The following SYCE3 variants were observed in gnomAD, a reference collection of about 807,000 sequenced individuals.
The protein encoded by SYCE3 is testis highly expressed gene 2 protein.
Under a neutral mutation model 8.1 loss-of-function variants are expected in SYCE3, and 3 were observed. The observed-to-expected ratio is 0.37, with a 90% CI of 0.17 to 0.96. The LOEUF (loss-of-function observed/expected upper bound fraction) is 0.96. Ranked by LOEUF, SYCE3 falls within the 40% of genes least tolerant of loss-of-function variation. SYCE3 has a pLI of 0.41. For missense variants in SYCE3, 83 were observed against 110.0 expected (o/e 0.75, Z 1.10); for synonymous variants, 36 against 38.7 (o/e 0.93, Z 0.26).
At chr22:50,557,918 T>G (rs1305992718) in intron 1 of SYCE3, among the ~76,000 whole-genome samples, 1 of 152,142 alleles carries the variant, frequency 6.6e-6, no homozygotes, top group Non-Finnish European at 1.5e-5. Context: ...TGTGACTTCC[T>G]GGGCCTCCCT....
intron 1 of SYCE3, among the ~76,000 whole-genome samples, chr22:50,561,715 T>C (rs1288459425): frequency 6.6e-6 from 1 of 151,690 alleles, no homozygotes; most frequent in Non-Finnish European, 1.5e-5. Context: ...ACAAGGAATG[T>C]GAGGGGATAA....
In SYCE3 at chr22:50,556,044, C is replaced by T. The variant is rs780309060; in HGVS notation, c.109+253G>A. On this transcript the variant is annotated intron_variant, in intron 2 of 2. Transcript: ENST00000406915. ...TCCTGACCTCGTGATCCACCCGTCTCGGCCTCCCAAAGTGCTGGGATTACA... is the reference window on the plus strand; with the variant it reads ...TCCTGACCTCGTGATCCACCCGTCTTGGCCTCCCAAAGTGCTGGGATTACA... Among the ~76,000 whole-genome samples the T allele has an allele frequency of 1.8e-4, 27 of 152,188 alleles. No homozygotes were observed. The East Asian group carries it at 2.9e-3, about 16-fold the overall frequency.
chr22:50,552,774 T>C (rs1187898665), intron 2 of SYCE3, among the ~76,000 whole-genome samples: 1 of 150,084 alleles, frequency 6.7e-6, no homozygotes, highest in African/African-American at 2.5e-5. Context: ...TATTAGGAGG[T>C]CGGGTCTTTT....
At chr22:50,556,773 T>C (rs12169800) in intron 1 of SYCE3, among the ~76,000 whole-genome samples, 49 of 152,340 alleles carry the variant, frequency 3.2e-4, no homozygotes, top group African/African-American at 1.1e-3. Context: ...CAAGCTATTG[T>C]GCTGATGTGT....
At chr22:50,559,022 G>A (rs528452452) in intron 1 of SYCE3, among the ~76,000 whole-genome samples, 1 of 152,172 alleles carries the variant, frequency 6.6e-6, no homozygotes, top group African/African-American at 2.4e-5. Flanking sequence ...TCCAAACTCT[G>A]TCCACCTGTG....
At chr22:50,558,932 T>G (rs6010007) in intron 1 of SYCE3, among the ~76,000 whole-genome samples, 12,788 of 152,198 alleles carry the variant, frequency 0.084, 1,201 homozygotes, top group African/African-American at 0.23. Flanking sequence ...TTTCTTTTAT[T>G]TAACATCTCT....
rs977012534 is a variant in SYCE3, at chr22:50,556,242, A to G, written c.109+55T>C. On this transcript the variant is annotated intron_variant, in intron 2 of 2. Transcript: ENST00000406915. ...TGCATCTTTAACCTTGGCAAAATAA[A>G]CTTTCTAAATTGATTGAGACCTGTC... 4.5e-6 allele frequency: 6 copies of G among 1,329,916 alleles called. No individual in the cohort carries two copies. The African/African-American group carries it at 8.8e-5, about 19-fold the overall frequency. 82.4% of individuals were successfully genotyped at this position (1,329,916 alleles called of 1,614,324 possible).
chr22:50,559,128 C>CT lies in SYCE3; in HGVS notation c.1-2724dup, dbSNP rs955059355. 4.6e-3 allele frequency among the ~76,000 whole-genome samples: 668 copies of CT among 145,652 alleles called. 5 individuals are homozygous for CT. The highest frequency in any genetic ancestry group is 0.014 in the Middle Eastern group (4 of 284). On this transcript the variant is annotated intron_variant, in intron 1 of 2. Coordinates refer to ENST00000406915, the MANE Select transcript of SYCE3 (RefSeq NM_001123225.3). ...GCCCCTTCTCTTCTCACTACACACT[C>CT]TTTTTTTTTTTTTCTTGAGACGGAG...
intron 2 of SYCE3, among the ~76,000 whole-genome samples, chr22:50,555,078 C>A (rs911821139): frequency 1.3e-5 from 2 of 150,908 alleles, no homozygotes; most frequent in African/African-American, 5.0e-5. Context: ...GCCGAGATCA[C>A]GCCACTGTAC....
chr22:50,552,478 T>TC (rs2148697566), intron 2 of SYCE3, among the ~76,000 whole-genome samples: 1 of 152,118 alleles, frequency 6.6e-6, no homozygotes, highest in East Asian at 1.9e-4. Context: ...TGGCCAGTGT[T>TC]CCTGGCCCAT....
At chr22:50,558,012 C>T (rs1276727633) in intron 1 of SYCE3, among the ~76,000 whole-genome samples, 1 of 152,196 alleles carries the variant, frequency 6.6e-6, no homozygotes, top group East Asian at 1.9e-4. Flanking sequence ...AAAGCAGAGG[C>T]CATCTTTCCA....
chr22:50,557,959 T>C (rs1396846164), intron 1 of SYCE3, among the ~76,000 whole-genome samples: 3 of 152,150 alleles, frequency 2.0e-5, no homozygotes, highest in Admixed American at 2.0e-4. Context: ...GGTATTGTGA[T>C]TGTGGATTCC....
At chr22:50,559,714 G>T (rs2069895678) in intron 1 of SYCE3, among the ~76,000 whole-genome samples, 1 of 152,092 alleles carries the variant, frequency 6.6e-6, no homozygotes, top group African/African-American at 2.4e-5. Context: ...GGGATCACAA[G>T]GTCAGGAGTT....
intron 1 of SYCE3, among the ~76,000 whole-genome samples, chr22:50,561,519 G>A (rs1019255999): frequency 1.3e-5 from 2 of 151,124 alleles, no homozygotes; most frequent in Non-Finnish European, 3.0e-5. Flanking sequence ...AGTGTGGGGC[G>A]GGAGGAGCGT....
chr22:50,556,430 G>A (rs1371591781), intron 1 of SYCE3, 25 bp from the exon 2 acceptor site: 3 of 1,492,756 alleles, frequency 2.0e-6, no homozygotes, highest in Non-Finnish European at 2.7e-6. Context: ...GAAAGAAGCT[G>A]CAGTCAGACA....
At position 50,551,140 on chromosome 22, in the gene SYCE3, C is replaced by T. The variant is rs2069803090; in HGVS notation, c.*105G>A. The stretch of plus-strand genomic sequence containing the variant: ...GCTTAAAAATAAGTTTATTAAGAAA[C>T]AAGTACAGTGCATACAGCTATTCAT... On this transcript the variant is annotated 3_prime_UTR_variant, in exon 3 of 3. Coordinates refer to ENST00000406915, the MANE Select transcript of SYCE3 (RefSeq NM_001123225.3). 2 of 1,391,968 alleles carry T rather than the reference C, an allele frequency of 1.4e-6. No individual in the cohort carries two copies. The highest frequency in any genetic ancestry group is 1.4e-5 in the South Asian group (1 of 71,640). The allele number at this position is 1,391,968 out of a possible 1,614,324, so 86.2% of individuals were successfully genotyped here.
intron 1 of SYCE3, among the ~76,000 whole-genome samples, chr22:50,558,178 CTTTGGGAGG>C (rs1330588176): frequency 6.6e-6 from 1 of 152,198 alleles, no homozygotes; most frequent in Non-Finnish European, 1.5e-5. Context: ...AATCCCAACA[CTTTGGGAGG>C]CCGAGGTGGG....
intron 1 of SYCE3, among the ~76,000 whole-genome samples, chr22:50,557,871 C>T (rs2069876337): frequency 1.3e-5 from 2 of 152,148 alleles, no homozygotes; most frequent in Admixed American, 1.3e-4. Flanking sequence ...CCTTCCTGGT[C>T]TTTACTTCAG....
At chr22:50,554,354 G>A (rs1262388237) in intron 2 of SYCE3, among the ~76,000 whole-genome samples, 1 of 152,042 alleles carries the variant, frequency 6.6e-6, no homozygotes, top group Non-Finnish European at 1.5e-5. Context: ...TCAAAATAAT[G>A]GCAATAAATC....
Sources: allele counts gnomAD v4.1 joint callset (sites outside exome capture counted in the v4.1 genomes callset), GRCh38; gene constraint gnomAD v4.1.1; transcripts MANE v1.5; gene names NCBI Gene and HGNC (gene_info 2026-07-23, HGNC 2026-07-21).